The following NRK variants were observed in gnomAD, a reference collection of about 807,000 sequenced individuals.
The protein encoded by NRK is Nik related kinase.
Under a neutral mutation model 125.2 loss-of-function variants are expected in NRK, and 67 were observed. The ratio of observed to expected loss-of-function variants is 0.54; its 90% CI spans 0.44 to 0.66. The LOEUF (loss-of-function observed/expected upper bound fraction) is 0.66, where lower values mean the gene tolerates loss of function less well. Among genes scored for constraint, NRK ranks in the 30% least tolerant of loss-of-function variants. The pLI, the probability that NRK is intolerant of heterozygous loss-of-function variation, is 0.00. For synonymous variants in NRK, 458 were observed against 429.0 expected, an observed-to-expected ratio of 1.07 and a Z score of -0.84; for missense variants, 1,224 against 1,192.9, an observed-to-expected ratio of 1.03 and a Z score of -0.38.
chrX:105,885,880 T>C (rs768455994), intron 4 of NRK, among the ~76,000 whole-genome samples: 2 of 112,061 alleles, frequency 1.8e-5, no homozygotes, highest in South Asian at 7.4e-4. Context: ...TGTTATCCCA[T>C]TTGGTCCCAC....
intron 2 of NRK, among the ~76,000 whole-genome samples, chrX:105,857,605 C>CT (rs1048045390): frequency 1.0e-3 from 114 of 109,166 alleles, no homozygotes; most frequent in African/African-American, 3.4e-3. Flanking sequence ...AAATCCCCCC[C>CT]TTTTTTTTTG....
At chrX:105,848,958 T>C (rs1420780437) in intron 2 of NRK, among the ~76,000 whole-genome samples, 1 of 112,115 alleles carries the variant, frequency 8.9e-6, no homozygotes, top group Admixed American at 9.5e-5. Context: ...TATTAGATGG[T>C]GATGAACATT....
intron 19 of NRK, among the ~76,000 whole-genome samples, chrX:105,930,215 T>C (rs1246441945): frequency 9.0e-6 from 1 of 111,577 alleles, no homozygotes; most frequent in African/African-American, 3.3e-5. Flanking sequence ...CAAAAATACA[T>C]CCTCTTAATG....
intron 6 of NRK, among the ~76,000 whole-genome samples, chrX:105,894,418 G>C (rs1487381144): frequency 9.0e-6 from 1 of 111,533 alleles, no homozygotes; most frequent in African/African-American, 3.3e-5. Context: ...ACACCCAGTT[G>C]GATGAGAGCA....
intron 1 of NRK, among the ~76,000 whole-genome samples, chrX:105,830,251 T>A (rs142412437): frequency 0.021 from 1,842 of 87,026 alleles, 21 homozygotes; most frequent in Non-Finnish European, 0.03. Flanking sequence ...GAGGCAGAGG[T>A]TGCAGTGAGC....
chrX:105,900,151 TACACACACACACACACACAC>T (rs202022404), intron 8 of NRK, among the ~76,000 whole-genome samples: 2 of 89,403 alleles, frequency 2.2e-5, no homozygotes, highest in Middle Eastern at 6.0e-3. Context: ...ACTGCTGAAG[TACACACACACACACACACAC>T]ACACACACAC....
chrX:105,936,994 C>G (rs898945280), intron 21 of NRK, among the ~76,000 whole-genome samples: 3 of 110,474 alleles, frequency 2.7e-5, no homozygotes, highest in Non-Finnish European at 5.7e-5. Flanking sequence ...ATGTGCTAGA[C>G]TAAGAATGTT....
chrX:105,957,324 G>A lies in NRK; in HGVS notation c.*1724G>A, dbSNP rs2040990175. 9.1e-6 allele frequency: 1 copy of A among 109,380 alleles called. No individual in the cohort carries two copies. The highest frequency in any genetic ancestry group is 1.9e-5 in the Non-Finnish European group (1 of 52,563). 9.0% of individuals were successfully genotyped at this position (109,380 alleles called of 1,213,427 possible). The stretch of plus-strand genomic sequence containing the variant: ...TTATGTCAAATTTTTTTTCTTAGAA[G>A]TAGTCTTCATTATTATAAATTTGTA... On this transcript the variant is annotated 3_prime_UTR_variant, in exon 29 of 29. Coordinates refer to ENST00000243300, the MANE Select transcript of NRK (RefSeq NM_198465.4).
chrX:105,943,958 A>G lies in NRK; in HGVS notation c.3976A>G (p.Thr1326Ala). ...HFSVLQHEET[T>A]YIAIALKSSI... ...CATTATAGTCCAACATGAAGAAACAACATATATTGCAATTGCTTTGAAATC... is the reference window on the plus strand; with the variant it reads ...CATTATAGTCCAACATGAAGAAACAGCATATATTGCAATTGCTTTGAAATC... The change falls in exon 24 of 29, where the codon ACA (threonine) becomes GCA (alanine). Residue 1326 changes from threonine (T) to alanine (A), a missense_variant. By Grantham distance (58) the Thr-to-Ala change is moderately conservative. Transcript: ENST00000243300. The G allele has an allele frequency of 1.7e-6, 2 of 1,152,273 alleles. No individual in the cohort carries two copies. Among genetic ancestry groups the G allele is most frequent in the Middle Eastern group, 2.4e-4 (1 of 4,193 alleles). 95.0% of individuals were successfully genotyped at this position (1,152,273 alleles called of 1,213,427 possible).
chrX:105,953,909 A>AG (rs1158308805), intron 28 of NRK, among the ~76,000 whole-genome samples: 2 of 111,052 alleles, frequency 1.8e-5, no homozygotes, highest in Admixed American at 1.9e-4. Flanking sequence ...CAGAACAGCC[A>AG]GGGTAAAGCA....
At chrX:105,940,432 A>C (rs1180587482) in intron 23 of NRK, among the ~76,000 whole-genome samples, 2 of 110,100 alleles carry the variant, frequency 1.8e-5, no homozygotes, top group Non-Finnish European at 3.8e-5. Flanking sequence ...TATCTTCACA[A>C]ACTTGGGGAG....
At chrX:105,918,736 G>C (rs1415529818) in intron 16 of NRK, among the ~76,000 whole-genome samples, 1 of 110,681 alleles carries the variant, frequency 9.0e-6, no homozygotes, top group Non-Finnish European at 1.9e-5. Flanking sequence ...GGAAATTCTG[G>C]ATTAGATCCC....
At chrX:105,861,124 C>T (rs2039597188) in intron 2 of NRK, among the ~76,000 whole-genome samples, 1 of 111,771 alleles carries the variant, frequency 8.9e-6, no homozygotes, top group Non-Finnish European at 1.9e-5. Flanking sequence ...TTTCTCCCCA[C>T]CTGCACCAAA....
chrX:105,907,301 G>A (rs2040233405), intron 11 of NRK: 1 of 111,155 alleles, frequency 9.0e-6, no homozygotes, highest in African/African-American at 3.3e-5. Flanking sequence ...AGAAGCCCCT[G>A]GGAAGTCCTA....
At chrX:105,954,842 G>T (rs1000364295) in intron 28 of NRK, among the ~76,000 whole-genome samples, 8 of 111,533 alleles carry the variant, frequency 7.2e-5, no homozygotes, top group Non-Finnish European at 9.4e-5. Context: ...TCAATCTATT[G>T]ATGTCCATTT....
intron 2 of NRK, among the ~76,000 whole-genome samples, chrX:105,832,906 G>A (rs1184230959): frequency 1.8e-5 from 2 of 110,887 alleles, no homozygotes. Flanking sequence ...GTGTGCACCT[G>A]TAGTCTTAGC....
intron 23 of NRK, among the ~76,000 whole-genome samples, chrX:105,941,194 A>T (rs189026655): frequency 1.8e-5 from 2 of 111,286 alleles, no homozygotes; most frequent in Non-Finnish European, 3.8e-5. Flanking sequence ...TCATATTGCA[A>T]ATCTGTGCTC....
In NRK at chrX:105,908,893, C is replaced by T; in HGVS notation, c.1252C>T (p.Pro418Ser). ...ACAGGGAGCAGCCAGGGTATTCATG[C>T]CACTGCAGGCTCTGGACAGTGCACC... ...QLQGAARVFM[P>S]LQALDSAPKP... The change falls in exon 13 of 29, where the codon CCA becomes TCA. Residue 418 changes from proline (P) to serine (S), a missense_variant. Pro to Ser is a moderately conservative substitution (Grantham distance 74). Coordinates refer to ENST00000243300, the MANE Select transcript of NRK (RefSeq NM_198465.4). 8.3e-7 allele frequency: 1 copy of T among 1,210,542 alleles called. No homozygotes were observed. The highest frequency in any genetic ancestry group is 1.1e-6 in the Non-Finnish European group (1 of 894,651).
At chrX:105,848,762 C>T (rs1569291326) in intron 2 of NRK, among the ~76,000 whole-genome samples, 1 of 111,991 alleles carries the variant, frequency 8.9e-6, no homozygotes, top group Non-Finnish European at 1.9e-5. Flanking sequence ...CTCATTCTTG[C>T]TTTAGATTCT....
Sources: allele counts gnomAD v4.1 joint callset (sites outside exome capture counted in the v4.1 genomes callset), GRCh38; gene constraint gnomAD v4.1.1; transcripts MANE v1.5; gene names NCBI Gene and HGNC (gene_info 2026-07-23, HGNC 2026-07-21).